UBR3: variants seen among roughly 807,000 people sequenced by gnomAD.
UBR3 encodes E3 ubiquitin-protein ligase UBR3.
UBR3 carries 85 observed loss-of-function variants against 243.2 expected under a neutral mutation model. The ratio of observed to expected loss-of-function variants is 0.35; its 90% confidence interval spans 0.29 to 0.42. UBR3 has a LOEUF of 0.42. Among genes scored for constraint, UBR3 ranks in the 10% least tolerant of loss-of-function variants. The pLI is 1.00. For synonymous variants in UBR3, 748 were observed against 799.8 expected (o/e 0.94, Z 1.09); for missense variants, 1,686 against 2,300.8 (o/e 0.73, Z 5.47).
intron 26 of UBR3, among the ~76,000 whole-genome samples, chr2:170,000,251 C>G (rs903673271): frequency 1.3e-5 from 2 of 151,900 alleles, no homozygotes; most frequent in East Asian, 3.9e-4. Context: ...AATATTAAGG[C>G]ATGTTTTTGG....
intron 23 of UBR3, among the ~76,000 whole-genome samples, chr2:169,955,131 C>A (rs577371649): frequency 6.6e-6 from 1 of 152,272 alleles, no homozygotes; most frequent in South Asian, 2.1e-4. Flanking sequence ...TTGTATCCCA[C>A]AAGCTGTTAT....
intron 11 of UBR3, among the ~76,000 whole-genome samples, chr2:169,922,744 G>C (rs765244947): frequency 6.6e-6 from 1 of 151,798 alleles, no homozygotes. Flanking sequence ...ATAATATCCC[G>C]AAGGTTTATT....
At chr2:170,008,089 A>G (rs139097243) in intron 28 of UBR3, among the ~76,000 whole-genome samples, 86 of 152,318 alleles carry the variant, frequency 5.6e-4, no homozygotes, top group Middle Eastern at 6.8e-3. Flanking sequence ...ACTGTTCATC[A>G]CAAGTCAGAC....
At chr2:170,010,077 T>C (rs1455354555) in intron 29 of UBR3, among the ~76,000 whole-genome samples, 3 of 152,176 alleles carry the variant, frequency 2.0e-5, no homozygotes, top group Non-Finnish European at 2.9e-5. Context: ...TAAAAGGATT[T>C]AATGGATTGG....
chr2:169,916,119 C>T (rs115326240), intron 11 of UBR3, among the ~76,000 whole-genome samples: 2,854 of 152,064 alleles, frequency 0.019, 44 homozygotes, highest in Middle Eastern at 0.031. Flanking sequence ...TATCACTGCT[C>T]CCAGGACTTC....
At chr2:169,879,770 A>T (rs192068588) in intron 5 of UBR3, among the ~76,000 whole-genome samples, 1 of 152,372 alleles carries the variant, frequency 6.6e-6, no homozygotes, top group East Asian at 1.9e-4. Context: ...AGAGTAATTT[A>T]AAAAACTTAT....
intron 1 of UBR3, among the ~76,000 whole-genome samples, chr2:169,831,776 A>G (rs1298651613): frequency 6.6e-6 from 1 of 152,192 alleles, no homozygotes; most frequent in Non-Finnish European, 1.5e-5. Flanking sequence ...GCTGGACTAC[A>G]CTGGCATGAA....
At chr2:169,958,663 T>C (rs1454689823) in intron 24 of UBR3, 137 bp downstream of exon 24, 1 of 666,432 alleles carries the variant, frequency 1.5e-6, no homozygotes, top group African/African-American at 1.8e-5. Flanking sequence ...AACAATATAG[T>C]GATGGAAGAT....
chr2:169,922,186 C>T (rs7560741), intron 11 of UBR3, among the ~76,000 whole-genome samples: 64,031 of 149,994 alleles, frequency 0.43, 15,157 homozygotes, highest in Non-Finnish European at 0.54. Flanking sequence ...CTCAGGGGGC[C>T]GAGGAGGGAG....
chr2:170,026,303 T>C (rs1230031594), intron 30 of UBR3, among the ~76,000 whole-genome samples: 3 of 152,010 alleles, frequency 2.0e-5, no homozygotes, highest in Non-Finnish European at 4.4e-5. Context: ...TATAATAATC[T>C]ATAATTTTAG....
At chr2:170,041,302 A>C (rs2090962953) in intron 32 of UBR3, among the ~76,000 whole-genome samples, 1 of 152,228 alleles carries the variant, frequency 6.6e-6, no homozygotes, top group African/African-American at 2.4e-5. Context: ...ACAATGAAAA[A>C]GTGTTTTTTA....
intron 30 of UBR3, among the ~76,000 whole-genome samples, chr2:170,028,836 C>CAATA (rs1246827115): frequency 6.6e-6 from 1 of 151,680 alleles, no homozygotes; most frequent in African/African-American, 2.4e-5. Context: ...AAATAATACT[C>CAATA]TATTTCAGTT....
chr2:170,049,384 T>C (rs1215606301), intron 32 of UBR3, among the ~76,000 whole-genome samples: 6 of 152,198 alleles, frequency 3.9e-5, no homozygotes, highest in Non-Finnish European at 1.5e-5. Context: ...AGGGTTGATC[T>C]TGCTGTCTCA....
In UBR3 at chr2:169,872,371, AC is replaced by A; in HGVS notation, c.683del (p.Pro228GlnfsTer25). ...IQYLREGYNE[P>X]AADGPSEKDL... ...AGTACTTAAGAGAAGGCTATAATGA[AC>A]CAGGTATGTTTTAATCTACTTCTTG... On this transcript the variant is annotated frameshift_variant, in exon 2 of 39. Coordinates refer to ENST00000272793, the MANE Select transcript of UBR3 (RefSeq NM_172070.4). LOFTEE classifies it high-confidence loss of function. The A allele has an allele frequency of 1.4e-6, 2 of 1,463,134 alleles. No homozygotes were observed. Among genetic ancestry groups the A allele is most frequent in the Non-Finnish European group, 1.8e-6 (2 of 1,083,966 alleles). 90.6% of individuals were successfully genotyped at this position (1,463,134 alleles called of 1,614,324 possible).
intron 14 of UBR3, 47 bp downstream of exon 14, chr2:169,925,794 G>C (rs1326356505): frequency 1.4e-6 from 2 of 1,448,196 alleles, no homozygotes; most frequent in African/African-American, 1.4e-5. Flanking sequence ...TGTCTCATTT[G>C]TACCCAAGGG....
chr2:169,952,933 ATTG>A (rs920336118), intron 23 of UBR3, among the ~76,000 whole-genome samples: 1 of 152,072 alleles, frequency 6.6e-6, no homozygotes, highest in Non-Finnish European at 1.5e-5. Context: ...ATGAGGTAAG[ATTG>A]TTATTTTTGT....
At chr2:169,989,545 G>A (rs1343853763) in intron 25 of UBR3, among the ~76,000 whole-genome samples, 1 of 152,138 alleles carries the variant, frequency 6.6e-6, no homozygotes, top group African/African-American at 2.4e-5. Flanking sequence ...CAGTTGATCA[G>A]AGATTACAAA....
In UBR3 at chr2:169,875,829, C is replaced by T. The variant is rs1351074144; in HGVS notation, c.724C>T (p.Leu242Phe). ...ATCAGAAAAGGACCTTAACAAAGTC[C>T]TTCAGCTTTTGGAACCTCAAATTTC... ...GPSEKDLNKV[L>F]QLLEPQISFL... Residue 242 changes from leucine (L) to phenylalanine (F), a missense_variant, in exon 3 of 39, where the codon CTT (leucine) becomes TTT (phenylalanine). Physicochemically the swap from Leu to Phe is conservative, Grantham distance 22 (BLOSUM62 0). Coordinates refer to ENST00000272793, the MANE Select transcript of UBR3 (RefSeq NM_172070.4). 1 of 1,547,972 alleles carries T rather than the reference C, an allele frequency of 6.5e-7. No individual in the cohort carries two copies.
At chr2:169,902,086 T>A (rs1238128865) in intron 8 of UBR3, among the ~76,000 whole-genome samples, 1 of 152,258 alleles carries the variant, frequency 6.6e-6, no homozygotes, top group African/African-American at 2.4e-5. Flanking sequence ...CATGAATGTG[T>A]GTTTTGATTC....
Sources: gnomAD v4.1 joint callset for allele counts (sites outside exome capture counted in the v4.1 genomes callset) on GRCh38, gnomAD v4.1.1 for gene constraint, MANE v1.5 for transcripts, NCBI Gene and HGNC (gene_info 2026-07-23, HGNC 2026-07-21) for gene names.